The following LSM14A variants were observed in gnomAD, a reference collection of about 807,000 sequenced individuals.
The protein encoded by LSM14A is LSM14A mRNA processing body assembly factor, also known as protein LSM14 homolog A.
In LSM14A, 14 loss-of-function variants were observed where a neutral mutation model predicts 52.4. That is an observed-to-expected ratio of 0.27 (90% CI 0.18 to 0.42). The LOEUF (loss-of-function observed/expected upper bound fraction) is 0.42. LSM14A is among the 10% of genes least tolerant of loss of function. LSM14A has a pLI of 1.00. For missense variants in LSM14A, 417 were observed against 581.8 expected, an observed-to-expected ratio of 0.72 and a Z score of 2.91; for synonymous variants, 185 against 200.3, an observed-to-expected ratio of 0.92 and a Z score of 0.64.
chr19:34,217,156 G>T (rs1293169978), intron 6 of LSM14A, among the ~76,000 whole-genome samples: 3 of 151,630 alleles, frequency 2.0e-5, no homozygotes, highest in African/African-American at 7.3e-5. Flanking sequence ...CTGCTCGGGA[G>T]GCTGAGGCAG....
chr19:34,182,023 C>T lies in LSM14A; in HGVS notation c.121+9260C>T, dbSNP rs578157118. 5.3e-5 allele frequency among the ~76,000 whole-genome samples: 8 copies of T among 152,240 alleles called. No individual in the cohort carries two copies. The South Asian group carries it at 1.7e-3, about 32-fold the overall frequency. ...CTCTCTCTGTCTCACCTCATGTGAT[C>T]CGAACCTATCAGCTCTGCTTTCAAA... On this transcript the variant is annotated intron_variant, in intron 1 of 9. Transcript: ENST00000544216.
chr19:34,174,888 T>C (rs543959530), intron 1 of LSM14A, among the ~76,000 whole-genome samples: 1 of 152,320 alleles, frequency 6.6e-6, no homozygotes, highest in Admixed American at 6.5e-5. Context: ...CTGTGTTACC[T>C]TTATTCCTCA....
chr19:34,221,098 T>TTTA (rs1487965526), intron 8 of LSM14A, among the ~76,000 whole-genome samples: 2 of 151,352 alleles, frequency 1.3e-5, no homozygotes, highest in African/African-American at 2.4e-5. Context: ...TTTTTTTTTT[T>TTTA]TGAGATGGAG....
rs1229805350 is a variant in LSM14A, at chr19:34,179,327, T to C, written c.121+6564T>C. ...CACATAGTCATAAACTATTACCTTA[T>C]TGGAGAGAGTGGAAGAGCTTTGTGT... On this transcript the variant is annotated intron_variant, in intron 1 of 9. Coordinates refer to ENST00000544216, the MANE Select transcript of LSM14A (RefSeq NM_015578.4). Among the ~76,000 whole-genome samples, 8 of 152,226 alleles carry C rather than the reference T, an allele frequency of 5.3e-5. No homozygotes were observed. The East Asian group carries it at 9.6e-4, about 18-fold the overall frequency.
In LSM14A at chr19:34,209,013, C is replaced by T. The variant is rs148868010; in HGVS notation, c.500C>T (p.Thr167Ile). Residue 167 changes from threonine (T) to isoleucine (I), a missense_variant, in exon 4 of 10, where the codon ACA (threonine) becomes ATA (isoleucine). Physicochemically the swap from Thr to Ile is moderately conservative, Grantham distance 89 (BLOSUM62 -1). Transcript: ENST00000544216. Reference sequence around the variant, plus strand: ...AGTAGTGCGGTTGGTTCTGCCTTTACACAGGATACAAGATCTCTAAAAACA... The same window carrying T: ...AGTAGTGCGGTTGGTTCTGCCTTTATACAGGATACAAGATCTCTAAAAACA... ...PQSSAVGSAF[T>I]QDTRSLKTQL... The T allele has an allele frequency of 6.2e-7, 1 of 1,609,224 alleles. No individual in the cohort carries two copies. The highest frequency in any genetic ancestry group is 2.2e-5 in the East Asian group (1 of 44,822).
rs569671773 is a variant in LSM14A, at chr19:34,199,117, A to ATTAT, written c.415+2377_415+2380dup. ...GACTTTGATTTGTATTATTGGTGTT[A>ATTAT]TTATTTATTTATTTATTTATTTATT... On this transcript the variant is annotated intron_variant, in intron 3 of 9. Transcript: ENST00000544216. 4.3e-3 allele frequency among the ~76,000 whole-genome samples: 659 copies of ATTAT among 152,072 alleles called. 2 individuals are homozygous for ATTAT. Among genetic ancestry groups the ATTAT allele is most frequent in the African/African-American group, 0.012 (486 of 41,492 alleles).
chr19:34,219,645 G>A (rs1428085730), intron 7 of LSM14A, 61 bp from the exon 8 acceptor site: 9 of 1,564,246 alleles, frequency 5.8e-6, no homozygotes, highest in African/African-American at 2.7e-5. Context: ...CTCAGATTAG[G>A]TGTTTTTATG....
Position 34,215,577 on chromosome 19 carries a change from T to C in LSM14A, c.716-19T>C, listed in dbSNP as rs759899171. ...TGTACCCTGAGTTGATTTGGCACTT[T>C]GCATGTCTTCTTCTGTAGCTGAAGT... On this transcript the variant is annotated intron_variant, in intron 5 of 9. Transcript: ENST00000544216. 4.4e-6 allele frequency: 7 copies of C among 1,601,076 alleles called. No individual in the cohort carries two copies. The highest frequency in any genetic ancestry group is 8.6e-7 in the Non-Finnish European group (1 of 1,168,870).
At chr19:34,214,920 AATT>A (rs916177598) in intron 4 of LSM14A, among the ~76,000 whole-genome samples, 1 of 151,266 alleles carries the variant, frequency 6.6e-6, no homozygotes, top group African/African-American at 2.4e-5. Flanking sequence ...TTTTTTTTTA[AATT>A]ATTATTATTT....
At chr19:34,220,810 T>G (rs971919429) in intron 8 of LSM14A, among the ~76,000 whole-genome samples, 6 of 152,210 alleles carry the variant, frequency 3.9e-5, no homozygotes, top group Non-Finnish European at 7.4e-5. Flanking sequence ...AATGGGGACC[T>G]AAGGGCCCAC....
chr19:34,212,641 A>G (rs927314969), intron 4 of LSM14A, among the ~76,000 whole-genome samples: 1 of 152,216 alleles, frequency 6.6e-6, no homozygotes, highest in African/African-American at 2.4e-5. Context: ...AAGTGTGATA[A>G]GATTGTGAAG....
intron 3 of LSM14A, chr19:34,208,310 A>G (rs1269946367): frequency 1.3e-5 from 2 of 152,238 alleles, no homozygotes; most frequent in Admixed American, 6.5e-5. Flanking sequence ...TCAAAAGTGA[A>G]TGATCCCTAA....
intron 1 of LSM14A, among the ~76,000 whole-genome samples, chr19:34,173,386 G>A (rs928982452): frequency 6.6e-6 from 1 of 152,066 alleles, no homozygotes; most frequent in Non-Finnish European, 1.5e-5. Flanking sequence ...ACCTCATTAG[G>A]GCGCGTGGTA....
At chr19:34,187,190 G>A (rs1246963315) in intron 1 of LSM14A, among the ~76,000 whole-genome samples, 3 of 151,504 alleles carry the variant, frequency 2.0e-5, no homozygotes, top group African/African-American at 4.9e-5. Context: ...CAGAGGTTGC[G>A]GTGAGACGAG....
Position 34,226,343 on chromosome 19 carries a change from CCTTTCT to C in LSM14A, c.1369-1020_1369-1015del, listed in dbSNP as rs1170764611. 9 of 1,437,768 alleles carry C rather than the reference CCTTTCT, an allele frequency of 6.3e-6. No homozygotes were observed. In the Admixed American group the frequency reaches 1.0e-4, roughly 16 times the overall value. The allele number at this position is 1,437,768 out of a possible 1,614,324, so 89.1% of individuals were successfully genotyped here. A position where few individuals can be genotyped will look rare whatever the true frequency, so the allele number is the denominator to read the frequency against. ...CTCTCCTCTCCCCCTTTCATTTTCT[CCTTTCT>C]CCCTCTCCTGTCCCCATCTCTTTCT... On this transcript the variant is annotated intron_variant, in intron 9 of 9. Coordinates refer to ENST00000544216, the MANE Select transcript of LSM14A (RefSeq NM_015578.4).
intron 8 of LSM14A, 40 bp downstream of exon 8, chr19:34,219,917 T>A (rs2072937279): frequency 1.4e-6 from 2 of 1,422,860 alleles, no homozygotes; most frequent in African/African-American, 2.8e-5. Flanking sequence ...ATGATATTGA[T>A]TGAAGTGTAA....
intron 1 of LSM14A, among the ~76,000 whole-genome samples, chr19:34,186,189 G>T (rs1312513810): frequency 6.6e-6 from 1 of 152,204 alleles, no homozygotes; most frequent in Non-Finnish European, 1.5e-5. Context: ...TTCTAGAAGG[G>T]TAGTATAGAC....
intron 1 of LSM14A, among the ~76,000 whole-genome samples, chr19:34,187,830 C>G (rs946504839): frequency 6.6e-6 from 1 of 151,986 alleles, no homozygotes; most frequent in Non-Finnish European, 1.5e-5. Context: ...TTAACTAAAT[C>G]TGGAGACTGG....
chr19:34,224,003 G>A (rs186520421), intron 9 of LSM14A, among the ~76,000 whole-genome samples: 2 of 152,212 alleles, frequency 1.3e-5, no homozygotes, highest in East Asian at 3.9e-4. Flanking sequence ...CTCTTCCCAA[G>A]GGCATCCATC....
Sources: allele counts gnomAD v4.1 joint callset (sites outside exome capture counted in the v4.1 genomes callset), GRCh38; gene constraint gnomAD v4.1.1; transcripts MANE v1.5; gene names NCBI Gene and HGNC (gene_info 2026-07-23, HGNC 2026-07-21).